MS4A1: variants seen among roughly 807,000 people sequenced by gnomAD.
The protein encoded by MS4A1 is B-lymphocyte antigen CD20.
A neutral mutation model predicts 26.5 loss-of-function variants in MS4A1; 16 were observed. The ratio of observed to expected loss-of-function variants is 0.60; its 90% CI spans 0.41 to 0.92. The LOEUF is 0.92. Among genes scored for constraint, MS4A1 ranks in the 40% least tolerant of loss-of-function variants. The pLI, the probability that MS4A1 is intolerant of heterozygous loss-of-function variation, is 0.00. For synonymous variants in MS4A1, 128 were observed against 117.6 expected (o/e 1.09, Z -0.57); for missense variants, 350 against 353.0 (o/e 0.99, Z 0.07).
intron 1 of MS4A1, among the ~76,000 whole-genome samples, chr11:60,456,561 C>A (rs923296014): frequency 1.3e-5 from 2 of 152,082 alleles, no homozygotes; most frequent in African/African-American, 4.8e-5. Context: ...TGAAATCCTG[C>A]CTCAAATCTA....
At position 60,468,483 on chromosome 11, in the gene MS4A1, T is replaced by C. The variant is rs201161107; in HGVS notation, c.*15T>C. 8.1e-6 allele frequency: 13 copies of C among 1,611,320 alleles called. No individual in the cohort carries two copies. Among genetic ancestry groups the C allele is most frequent in the Non-Finnish European group, 1.1e-5 (13 of 1,177,748 alleles). ...GCTCTCCTTAAGTGATTTCTTCTGT[T>C]TTCTGTTTCCTTTTTTAAACATTAG... On this transcript the variant is annotated 3_prime_UTR_variant, in exon 8 of 8. Coordinates refer to ENST00000345732, the MANE Select transcript of MS4A1 (RefSeq NM_152866.3).
intron 1 of MS4A1, among the ~76,000 whole-genome samples, chr11:60,459,841 T>A (rs1471673661): frequency 2.0e-5 from 3 of 152,152 alleles, no homozygotes; most frequent in African/African-American, 7.2e-5. Context: ...GTGCATATAT[T>A]GGAAGGAGAA....
At position 60,463,725 on chromosome 11, in the gene MS4A1, GA is replaced by G. The variant is rs1295315558; in HGVS notation, c.280-562del. The G allele has an allele frequency of 1.2e-5, 5 of 434,692 alleles. No individual in the cohort carries two copies. The East Asian group carries it at 3.6e-4, about 31-fold the overall frequency. The allele number at this position is 434,692 out of a possible 1,614,324, so 26.9% of individuals were successfully genotyped here. The stretch of plus-strand genomic sequence containing the variant: ...AGGATTAAAATTTTCCAAACAAGTA[GA>G]GATGGGTTAGAACAAGAGTTTCCTC... On this transcript the variant is annotated intron_variant, in intron 4 of 7. Coordinates refer to ENST00000345732, the MANE Select transcript of MS4A1 (RefSeq NM_152866.3).
chr11:60,466,025 A>G lies in MS4A1; in HGVS notation c.441A>G (p.Leu147=). ...TTAATATTAAAATTTCCCATTTTTT[A>G]AAAATGGAGAGTCTGAATTTTATTA... ...DILNIKISHF[L]KMESLNFIRA... Residue 147 remains leucine, a synonymous_variant, in exon 6 of 8, where the codon TTA becomes TTG. Transcript: ENST00000345732. 6.2e-7 allele frequency: 1 copy of G among 1,613,694 alleles called. No homozygotes were observed. Among genetic ancestry groups the G allele is most frequent in the Non-Finnish European group, 8.5e-7 (1 of 1,179,652 alleles).
chr11:60,464,612 A>G (rs955136787), intron 5 of MS4A1, among the ~76,000 whole-genome samples: 1 of 152,172 alleles, frequency 6.6e-6, no homozygotes, highest in African/African-American at 2.4e-5. Context: ...AAAATAATAG[A>G]CCTTTCTGAA....
chr11:60,463,821 G>A (rs893618607), intron 4 of MS4A1: 10 of 455,708 alleles, frequency 2.2e-5, no homozygotes, highest in African/African-American at 2.0e-4. Flanking sequence ...AACAGCCAAT[G>A]TTTTCATGGA....
At chr11:60,456,928 G>A (rs2086208991) in intron 1 of MS4A1, among the ~76,000 whole-genome samples, 1 of 152,124 alleles carries the variant, frequency 6.6e-6, no homozygotes, top group Non-Finnish European at 1.5e-5. Context: ...ACTGCACCTG[G>A]CCATTGTGAG....
At position 60,468,450 on chromosome 11, in the gene MS4A1, A is replaced by C; in HGVS notation, c.876A>C (p.Glu292Asp). ...AAGATCAGGAATCCTCACCAATAGA[A>C]AATGACAGCTCTCCTTAAGTGATTT... ...PPQDQESSPI[E>D]NDSSP Residue 292 changes from glutamate (E) to aspartate (D), a missense_variant, in exon 8 of 8, where the codon GAA becomes GAC. By Grantham distance (45) the Glu-to-Asp change is conservative. Coordinates refer to ENST00000345732, the MANE Select transcript of MS4A1 (RefSeq NM_152866.3). 2.5e-6 allele frequency: 4 copies of C among 1,614,084 alleles called. No individual in the cohort carries two copies. Among genetic ancestry groups the C allele is most frequent in the Non-Finnish European group, 3.4e-6 (4 of 1,179,930 alleles).
intron 5 of MS4A1, among the ~76,000 whole-genome samples, chr11:60,464,975 A>C (rs919182741): frequency 6.6e-6 from 1 of 152,220 alleles, no homozygotes; most frequent in African/African-American, 2.4e-5. Context: ...TCGCTCCCAA[A>C]AAATTCCTCC....
rs1172305132 is a variant in MS4A1 at position 60,463,079 on chromosome 11, C to A, written c.237C>A (p.Pro79=). ...TGATCCCAGCAGGGATCTATGCACC[C>A]ATCTGTGTGACTGTGTGGTACCCTC... ...LLMIPAGIYA[P]ICVTVWYPLW... Residue 79 remains proline (P), a synonymous_variant, in exon 4 of 8, where the codon CCC becomes CCA. Transcript: ENST00000345732. 4 of 1,614,006 alleles carry A rather than the reference C, an allele frequency of 2.5e-6. No homozygotes were observed. Among genetic ancestry groups the A allele is most frequent in the Non-Finnish European group, 3.4e-6 (4 of 1,180,008 alleles).
intron 1 of MS4A1, among the ~76,000 whole-genome samples, chr11:60,460,341 A>G (rs2086238254): frequency 6.6e-6 from 1 of 152,206 alleles, no homozygotes. Flanking sequence ...TCTATAAAAC[A>G]CAGGTGATGA....
rs1742274366 is a variant in MS4A1 at position 60,470,646 on chromosome 11, A to G, written c.*2178A>G. 6.6e-6 allele frequency: 1 copy of G among 152,040 alleles called. No individual in the cohort carries two copies. Among genetic ancestry groups the G allele is most frequent in the African/African-American group, 2.4e-5 (1 of 41,464 alleles). The allele number at this position is 152,040 out of a possible 1,614,324, so 9.4% of individuals were successfully genotyped here. On this transcript the variant is annotated 3_prime_UTR_variant, in exon 8 of 8. Transcript: ENST00000345732. Reference sequence around the variant, plus strand: ...GACCAATAGTAAACATGCTTTGCCAAGAAGTAGAAGATATATTCTCTAGCC... The same window carrying G: ...GACCAATAGTAAACATGCTTTGCCAGGAAGTAGAAGATATATTCTCTAGCC...
chr11:60,465,943 A>T lies in MS4A1; in HGVS notation c.359A>T (p.Asn120Ile). 6.2e-7 allele frequency: 1 copy of T among 1,613,514 alleles called. No individual in the cohort carries two copies. Among genetic ancestry groups the T allele is most frequent in the Non-Finnish European group, 8.5e-7 (1 of 1,179,532 alleles). The part of the protein sequence containing the change: ...KCLVKGKMIM[N>I]SLSLFAAISG... ...CAGGTCAAAGGAAAAATGATAATGA[A>T]TTCATTGAGCCTCTTTGCTGCCATT... is the stretch of plus-strand genomic sequence containing the variant. Residue 120 changes from asparagine (N) to isoleucine (I), a missense_variant, in exon 6 of 8, where the codon AAT becomes ATT. By Grantham distance (149) the Asn-to-Ile change is moderately radical. Coordinates refer to ENST00000345732, the MANE Select transcript of MS4A1 (RefSeq NM_152866.3).
intron 1 of MS4A1, among the ~76,000 whole-genome samples, chr11:60,456,585 C>G (rs906768477): frequency 1.3e-5 from 2 of 151,998 alleles, no homozygotes; most frequent in African/African-American, 4.8e-5. Context: ...CATGGGAAAC[C>G]AAGAGTAAGA....
intron 1 of MS4A1, among the ~76,000 whole-genome samples, chr11:60,459,108 TG>T (rs1442873830): frequency 6.6e-6 from 1 of 152,204 alleles, no homozygotes; most frequent in African/African-American, 2.4e-5. Context: ...AAGCAGTTGA[TG>T]AATAAAATGA....
intron 1 of MS4A1, among the ~76,000 whole-genome samples, chr11:60,460,224 C>A (rs550294172): frequency 1.3e-5 from 2 of 152,014 alleles, no homozygotes; most frequent in Admixed American, 6.6e-5. Flanking sequence ...GCAGCCTGGG[C>A]GACAGAGCGA....
At chr11:60,459,039 A>G (rs1461031226) in intron 1 of MS4A1, among the ~76,000 whole-genome samples, 2 of 152,226 alleles carry the variant, frequency 1.3e-5, no homozygotes, top group Non-Finnish European at 2.9e-5. Flanking sequence ...GGCATAGCCC[A>G]AGTAGAATTG....
chr11:60,466,271 T>A, intron 6 of MS4A1, 114 bp downstream of exon 6: 1 of 882,014 alleles, frequency 1.1e-6, no homozygotes, highest in Non-Finnish European at 1.9e-6. Context: ...AGTTACTGTC[T>A]GTGTGGCTTT....
chr11:60,461,742 A>T (rs1187789891), intron 2 of MS4A1, among the ~76,000 whole-genome samples: 1 of 151,190 alleles, frequency 6.6e-6, no homozygotes, highest in Admixed American at 6.8e-5. Context: ...CCGGTCTCAA[A>T]CTCCTGACCT....
Sources: allele counts gnomAD v4.1 joint callset (sites outside exome capture counted in the v4.1 genomes callset), GRCh38; gene constraint gnomAD v4.1.1; transcripts MANE v1.5; gene names NCBI Gene and HGNC (gene_info 2026-07-23, HGNC 2026-07-21).